Variants in FBXO42 observed in about 807,000 individuals in gnomAD.
The protein encoded by FBXO42 is F-box protein 42, also known as F-box only protein 42.
In FBXO42, 12 loss-of-function variants were observed where a neutral mutation model predicts 71.7. The ratio of observed to expected loss-of-function variants is 0.17; its 90% CI spans 0.11 to 0.27. The LOEUF (loss-of-function observed/expected upper bound fraction) is 0.27, where lower values mean the gene tolerates loss of function less well. Ranked by LOEUF, FBXO42 falls within the 10% of genes least tolerant of loss-of-function variation. The pLI, the probability that FBXO42 is intolerant of heterozygous loss-of-function variation, is 1.00. For missense variants in FBXO42, 707 were observed against 911.9 expected, an observed-to-expected ratio of 0.78 and a Z score of 2.89; for synonymous variants, 325 against 327.5, an observed-to-expected ratio of 0.99 and a Z score of 0.08.
chr1:16,315,452 A>G lies in FBXO42; in HGVS notation c.-17-17T>C. 5 of 1,605,174 alleles carry G rather than the reference A, an allele frequency of 3.1e-6. No individual in the cohort carries two copies. The East Asian group carries it at 1.1e-4, about 36-fold the overall frequency. ...ACTCAACAGCTGTAATAGGTAAAACATAAATATCAGTATTCCACTGAAAGC... is the reference window on the plus strand; with the variant it reads ...ACTCAACAGCTGTAATAGGTAAAACGTAAATATCAGTATTCCACTGAAAGC... On this transcript the variant is annotated splice_polypyrimidine_tract_variant and intron_variant, in intron 1 of 9. Transcript: ENST00000375592.
At chr1:16,321,117 G>A (rs2082406941) in intron 1 of FBXO42, among the ~76,000 whole-genome samples, 1 of 152,102 alleles carries the variant, frequency 6.6e-6, no homozygotes, top group Non-Finnish European at 1.5e-5. Context: ...AACATAAAGA[G>A]ACTCATACTG....
At chr1:16,280,472 T>C (rs2081951217) in intron 4 of FBXO42, among the ~76,000 whole-genome samples, 1 of 152,158 alleles carries the variant, frequency 6.6e-6, no homozygotes, top group African/African-American at 2.4e-5. Flanking sequence ...TAGTTAATAA[T>C]AACGTACCAA....
intron 5 of FBXO42, 26 bp downstream of exon 5, chr1:16,256,580 T>G: frequency 1.2e-6 from 2 of 1,609,114 alleles, no homozygotes; most frequent in Non-Finnish European, 1.7e-6. Context: ...TCTTCCAGAT[T>G]TAAAGAGTTT....
At chr1:16,300,234 A>G (rs1444519928) in intron 3 of FBXO42, among the ~76,000 whole-genome samples, 1 of 152,212 alleles carries the variant, frequency 6.6e-6, no homozygotes, top group Non-Finnish European at 1.5e-5. Context: ...GGGCTAACAA[A>G]TAATACTGAG....
intron 4 of FBXO42, among the ~76,000 whole-genome samples, chr1:16,259,765 C>CAAAAAAAAAAAAAAAAAAAAAAATAAA (rs562076269): frequency 1.4e-5 from 1 of 69,950 alleles, no homozygotes. Context: ...GACTCTGTCT[C>CAAAAAAAAAAAAAAAAAAAAAAATAAA]AAAAAAAAAA....
chr1:16,282,521 C>T (rs1377578159), intron 4 of FBXO42, among the ~76,000 whole-genome samples: 1 of 125,504 alleles, frequency 8.0e-6, no homozygotes, highest in Non-Finnish European at 1.8e-5. Context: ...CCACTGTGCC[C>T]GGCCATTTTC....
rs1288944169 is a variant in FBXO42 at position 16,303,726 on chromosome 1, CCTGG to C, written c.367+2073_367+2076del. Among the ~76,000 whole-genome samples the C allele has an allele frequency of 1.2e-4, 18 of 151,918 alleles. No homozygotes were observed. In the South Asian group the frequency reaches 3.1e-3, roughly 26 times the overall value. ...GGGATTACAGGTGCCTGCCACCATA[CCTGG>C]CTAATTGTTTATATTTTTATTTTAT... On this transcript the variant is annotated intron_variant, in intron 3 of 9. Transcript: ENST00000375592.
At chr1:16,320,598 G>A (rs564773428) in intron 1 of FBXO42, among the ~76,000 whole-genome samples, 1 of 151,892 alleles carries the variant, frequency 6.6e-6, no homozygotes, top group East Asian at 1.9e-4. Context: ...CTGCCTCCCA[G>A]GTTCAAGTGA....
At chr1:16,327,184 T>C (rs2082459224) in intron 1 of FBXO42, among the ~76,000 whole-genome samples, 1 of 152,160 alleles carries the variant, frequency 6.6e-6, no homozygotes, top group Admixed American at 6.6e-5. Flanking sequence ...TGACGAGGGA[T>C]GTTAATGACT....
intron 4 of FBXO42, among the ~76,000 whole-genome samples, chr1:16,260,543 TATTA>T (rs1265112581): frequency 6.6e-6 from 1 of 152,150 alleles, no homozygotes; most frequent in African/African-American, 2.4e-5. Context: ...GCTTTGCATG[TATTA>T]ATTAATTTAA....
chr1:16,250,835 T>C lies in FBXO42; in HGVS notation c.1989A>G (p.Lys663=). The change falls in exon 10 of 10, where the codon AAA becomes AAG. Residue 663 remains lysine (K), a synonymous_variant. Coordinates refer to ENST00000375592, the MANE Select transcript of FBXO42 (RefSeq NM_018994.3). This position sits in a 1 kb window ranked among gnomAD's most constrained non-coding sequence, Gnocchi z 4.7. ...DTKEKGRVKW[K]VFNSSSVVGP... is the part of the protein sequence containing the mutation. ...CAACCACAGAACTGCTATTAAATAC[T>C]TTCCATTTGACCCGCCCCTTCTCCT... 3.1e-6 allele frequency: 5 copies of C among 1,614,200 alleles called. No homozygotes were observed. The highest frequency in any genetic ancestry group is 4.2e-6 in the Non-Finnish European group (5 of 1,180,042).
chr1:16,350,757 A>AAAAAAAAAGAAAGAAAG (rs1553156683), intron 1 of FBXO42, among the ~76,000 whole-genome samples: 1 of 44,250 alleles, frequency 2.3e-5, no homozygotes, highest in Non-Finnish European at 4.1e-5. Flanking sequence ...AAAAAAAAAA[A>AAAAAAAAAGAAAGAAAG]AAAGAAAGAA....
At chr1:16,282,996 A>G (rs923300252) in intron 4 of FBXO42, among the ~76,000 whole-genome samples, 1 of 151,238 alleles carries the variant, frequency 6.6e-6, no homozygotes, top group African/African-American at 2.4e-5. Flanking sequence ...AAAAAAAAAA[A>G]TGCTGATCCA....
intron 4 of FBXO42, among the ~76,000 whole-genome samples, chr1:16,290,194 T>C (rs2082063560): frequency 6.6e-6 from 1 of 152,192 alleles, no homozygotes; most frequent in African/African-American, 2.4e-5. Flanking sequence ...AGCACTTCTA[T>C]CATTTTGAAA....
At chr1:16,346,462 G>A (rs1295284346) in intron 1 of FBXO42, among the ~76,000 whole-genome samples, 1 of 152,054 alleles carries the variant, frequency 6.6e-6, no homozygotes, top group Non-Finnish European at 1.5e-5. Context: ...TCCGAGGCGG[G>A]CGGATCATGA....
At chr1:16,268,975 A>G (rs946627506) in intron 4 of FBXO42, among the ~76,000 whole-genome samples, 1 of 151,422 alleles carries the variant, frequency 6.6e-6, no homozygotes, top group African/African-American at 2.4e-5. Context: ...CACCCAGTTA[A>G]TTTTTGTATT....
intron 4 of FBXO42, among the ~76,000 whole-genome samples, chr1:16,271,786 A>T (rs2081848504): frequency 6.6e-6 from 1 of 152,070 alleles, no homozygotes; most frequent in African/African-American, 2.4e-5. Context: ...TCTTAGGATT[A>T]GGAACTCCTG....
At chr1:16,302,251 A>C (rs2082202673) in intron 3 of FBXO42, among the ~76,000 whole-genome samples, 2 of 152,184 alleles carry the variant, frequency 1.3e-5, no homozygotes, top group Admixed American at 1.3e-4. Context: ...TCAGTCCATT[A>C]AGAAGGGCAG....
At position 16,315,206 on chromosome 1, in the gene FBXO42, C is replaced by T. The variant is rs1451981538; in HGVS notation, c.213G>A (p.Ala71=). Residue 71 remains alanine (A), a synonymous_variant, in exon 2 of 10, where the codon GCG becomes GCA. Transcript: ENST00000375592. ...GATACCACTGTTTGCAGACAAGGGC[C>T]GCAGTTTTGTGTTCCTGATACGGTG... is the stretch of plus-strand genomic sequence containing the variant. ...FLSPYQEHKT[A]ALVCKQWYRL... 1.2e-6 allele frequency: 2 copies of T among 1,613,946 alleles called. No homozygotes were observed. The highest frequency in any genetic ancestry group is 1.3e-5 in the African/African-American group (1 of 75,012).
Sources: gnomAD v4.1 joint callset for allele counts (sites outside exome capture counted in the v4.1 genomes callset) on GRCh38, gnomAD v4.1.1 for gene constraint, Gnocchi (gnomAD v3.1) non-coding constraint, MANE v1.5 for transcripts, NCBI Gene and HGNC (gene_info 2026-07-23, HGNC 2026-07-21) for gene names.